GLIS1: variants seen among roughly 807,000 people sequenced by gnomAD.
The protein encoded by GLIS1 is zinc finger protein GLIS1.
A neutral mutation model predicts 63.8 loss-of-function variants in GLIS1; 24 were observed. The ratio of observed to expected loss-of-function variants is 0.38; its 90% CI spans 0.27 to 0.53. The LOEUF is 0.53. Ranked by LOEUF, GLIS1 falls within the 20% of genes least tolerant of loss-of-function variation. GLIS1 has a pLI of 0.85. For synonymous variants in GLIS1, 450 were observed against 482.5 expected (o/e 0.93, Z 0.88); for missense variants, 1,036 against 1,074.1 (o/e 0.96, Z 0.50).
intron 2 of GLIS1, among the ~76,000 whole-genome samples, chr1:53,724,506 A>G (rs1415569731): frequency 6.6e-6 from 1 of 152,134 alleles, no homozygotes; most frequent in Non-Finnish European, 1.5e-5. Context: ...TAGTTTTAAG[A>G]TTAAACAAGA....
At chr1:53,640,359 G>A (rs1365063667) in intron 2 of GLIS1, among the ~76,000 whole-genome samples, 11 of 150,316 alleles carry the variant, frequency 7.3e-5, no homozygotes, top group Non-Finnish European at 1.5e-5. Flanking sequence ...TAACCAAATG[G>A]GAGGAATATA....
intron 4 of GLIS1, among the ~76,000 whole-genome samples, chr1:53,531,330 G>T (rs1168575256): frequency 6.6e-6 from 1 of 152,218 alleles, no homozygotes; most frequent in Non-Finnish European, 1.5e-5. Context: ...AGGTGGCCAA[G>T]GATGAGCTGG....
chr1:53,529,286 G>A (rs570367397), intron 5 of GLIS1, among the ~76,000 whole-genome samples: 9 of 152,162 alleles, frequency 5.9e-5, no homozygotes, highest in Non-Finnish European at 1.0e-4. Context: ...GCCCACCTCC[G>A]CTCCTCACCT....
chr1:53,509,353 T>C, intron 9 of GLIS1, 66 bp from the exon 10 acceptor site: 1 of 1,425,422 alleles, frequency 7.0e-7, no homozygotes, highest in Non-Finnish European at 9.5e-7. Flanking sequence ...GAGGGGAACA[T>C]CCTTGCTGCA....
At chr1:53,575,387 C>T (rs1039561300) in intron 4 of GLIS1, among the ~76,000 whole-genome samples, 38 of 152,214 alleles carry the variant, frequency 2.5e-4, no homozygotes, top group African/African-American at 8.9e-4. Context: ...TGGCCTCCTC[C>T]ATCACTCCAT....
chr1:53,554,581 CT>C (rs1644797346), intron 4 of GLIS1, among the ~76,000 whole-genome samples: 1 of 152,182 alleles, frequency 6.6e-6, no homozygotes, highest in African/African-American at 2.4e-5. Flanking sequence ...AGTCCGGAGG[CT>C]CATCAGTGCT....
intron 4 of GLIS1, among the ~76,000 whole-genome samples, chr1:53,565,039 T>TATCATTGGAGAACA (rs1644925338): frequency 1.3e-5 from 2 of 152,012 alleles, no homozygotes; most frequent in Non-Finnish European, 2.9e-5. Context: ...CAATATCATA[T>TATCATTGGAGAACA]AAATAATGTT....
chr1:53,512,330 C>T (rs1644305230), intron 8 of GLIS1, among the ~76,000 whole-genome samples: 1 of 152,172 alleles, frequency 6.6e-6, no homozygotes, highest in Non-Finnish European at 1.5e-5. Context: ...CCTCACTAGC[C>T]TGGCAGACTG....
At chr1:53,647,002 G>A (rs186143487) in intron 2 of GLIS1, among the ~76,000 whole-genome samples, 1 of 151,008 alleles carries the variant, frequency 6.6e-6, no homozygotes, top group Non-Finnish European at 1.5e-5. Flanking sequence ...GGAAGGAAGG[G>A]AGGGATGAAG....
chr1:53,678,273 C>T (rs1164719844), intron 2 of GLIS1, among the ~76,000 whole-genome samples: 1 of 147,440 alleles, frequency 6.8e-6, no homozygotes, highest in Admixed American at 6.9e-5. Flanking sequence ...CACGAAGAAC[C>T]TCTCTGCGGA....
chr1:53,653,507 C>T (rs968897728), intron 2 of GLIS1, among the ~76,000 whole-genome samples: 1 of 152,178 alleles, frequency 6.6e-6, no homozygotes, highest in East Asian at 1.9e-4. Context: ...TCTCTTTCTG[C>T]AAGTCTCTAA....
At chr1:53,520,154 C>G (rs1006433057) in intron 7 of GLIS1, among the ~76,000 whole-genome samples, 11 of 152,190 alleles carry the variant, frequency 7.2e-5, no homozygotes, top group African/African-American at 2.4e-4. Context: ...CAGAGGAAGA[C>G]TTCCTGGAGG....
intron 2 of GLIS1, among the ~76,000 whole-genome samples, chr1:53,713,561 C>T (rs568464227): frequency 6.6e-6 from 1 of 152,352 alleles, no homozygotes; most frequent in South Asian, 2.1e-4. Context: ...CAAGACCAGC[C>T]TGGGCAACAC....
chr1:53,613,103 G>T (rs1190958159), intron 2 of GLIS1, among the ~76,000 whole-genome samples: 1 of 152,192 alleles, frequency 6.6e-6, no homozygotes, highest in East Asian at 1.9e-4. Flanking sequence ...ACAGGCGTGA[G>T]CCCAGCCAGT....
chr1:53,725,417 G>T (rs1379387806), intron 2 of GLIS1, among the ~76,000 whole-genome samples: 1 of 152,170 alleles, frequency 6.6e-6, no homozygotes, highest in African/African-American at 2.4e-5. Context: ...GTGAGCACCA[G>T]TTTCCATTCT....
intron 4 of GLIS1, among the ~76,000 whole-genome samples, chr1:53,581,805 G>A (rs1007095894): frequency 6.6e-6 from 1 of 152,188 alleles, no homozygotes; most frequent in Non-Finnish European, 1.5e-5. Context: ...AGTGTGGAAG[G>A]AACTGGGGCC....
chr1:53,718,407 G>A (rs1269805510), intron 2 of GLIS1, among the ~76,000 whole-genome samples: 2 of 152,062 alleles, frequency 1.3e-5, no homozygotes, highest in African/African-American at 2.4e-5. Context: ...ACAGACTGAT[G>A]GAGTATGGCG....
Position 53,526,813 on chromosome 1 carries a change from G to A in GLIS1, c.1483-1926C>T, listed in dbSNP as rs1394525830. Among the ~76,000 whole-genome samples the A allele has an allele frequency of 6.6e-6, 1 of 152,266 alleles. No homozygotes were observed. The highest frequency in any genetic ancestry group is 1.5e-5 in the Non-Finnish European group (1 of 68,044). On this transcript the variant is annotated intron_variant, in intron 5 of 10. Transcript: ENST00000628545. The surrounding 1 kb of genome is among the most constrained non-coding windows in gnomAD (Gnocchi z 4.4). Reference sequence around the variant, plus strand: ...TGTTTGTTTTTCCAGGGCCTGACATGTGTAGAACATTCCTCAGGCCCCATT... The same window carrying A: ...TGTTTGTTTTTCCAGGGCCTGACATATGTAGAACATTCCTCAGGCCCCATT...
chr1:53,602,462 A>G, intron 2 of GLIS1, among the ~76,000 whole-genome samples: 1 of 152,126 alleles, frequency 6.6e-6, no homozygotes, highest in Admixed American at 6.5e-5. Flanking sequence ...CAGGGTCTCT[A>G]ACGGGGGTGC....
Sources: allele counts gnomAD v4.1 joint callset (sites outside exome capture counted in the v4.1 genomes callset), GRCh38; gene constraint gnomAD v4.1.1; non-coding constraint Gnocchi (gnomAD v3.1); transcripts MANE v1.5; gene names NCBI Gene and HGNC (gene_info 2026-07-23, HGNC 2026-07-21).